Variants in ADAR observed in about 807,000 individuals in gnomAD.
ADAR encodes adenosine deaminase RNA specific, also known as double-stranded RNA-specific adenosine deaminase.
ADAR carries 41 observed loss-of-function variants against 113.2 expected under a neutral mutation model. The observed-to-expected ratio is 0.36, with a 90% CI of 0.28 to 0.47. The LOEUF is 0.47. Among genes scored for constraint, ADAR ranks in the 20% least tolerant of loss-of-function variants. The probability of loss-of-function intolerance (pLI) is 1.00; values close to 1 mark genes in which losing one functional copy is unlikely to be tolerated. For synonymous variants in ADAR, 605 were observed against 572.6 expected (o/e 1.06, Z -0.81); for missense variants, 1,242 against 1,540.9 (o/e 0.81, Z 3.25).
chr1:154,587,647 G>A (rs1696854943), intron 11 of ADAR, among the ~76,000 whole-genome samples: 2 of 152,172 alleles, frequency 1.3e-5, no homozygotes, highest in African/African-American at 2.4e-5. Flanking sequence ...AAGGAGACAG[G>A]AGAGGATAGG....
Position 154,601,347 on chromosome 1 carries a change from A to C in ADAR, c.1295T>G (p.Leu432Arg), listed in dbSNP as rs1222970873. The change falls in exon 2 of 15, where the codon CTG becomes CGG. Residue 432 changes from leucine (L) to arginine (R), a missense_variant. By Grantham distance (102) the Leu-to-Arg change is moderately radical (BLOSUM62 -2). Coordinates refer to ENST00000368474, the MANE Select transcript of ADAR (RefSeq NM_001111.5). This position sits in a 1 kb window ranked among gnomAD's most constrained non-coding sequence, Gnocchi z 4.7. ...RQEARPEPAR[L>R]KPPVHYNGPS... is the part of the protein sequence containing the mutation. The stretch of plus-strand genomic sequence containing the variant: ...GCCATTGTAATGAACAGGTGGTTTC[A>C]GTCTTGCTGGTTCTGGTCTGGCCTC... 2.5e-6 allele frequency: 4 copies of C among 1,614,240 alleles called. No homozygotes were observed. In the East Asian group the frequency reaches 8.9e-5, roughly 36 times the overall value.
Position 154,590,055 on chromosome 1 carries a change from C to CTGCTCTCTCGAGGCTAAG in ADAR, c.2496+128_2497-127insCTTAGCCTCGAGAGAGCA, listed in dbSNP as rs1697026994. 8 of 1,479,808 alleles carry CTGCTCTCTCGAGGCTAAG rather than the reference C, an allele frequency of 5.4e-6. No homozygotes were observed. The East Asian group carries it at 1.6e-4, about 30-fold the overall frequency. The allele number at this position is 1,479,808 out of a possible 1,614,324, so 91.7% of individuals were successfully genotyped here. On this transcript the variant is annotated intron_variant, in intron 7 of 14. Coordinates refer to ENST00000368474, the MANE Select transcript of ADAR (RefSeq NM_001111.5). Reference sequence around the variant, plus strand: ...CTTTTCCTTCTTACATCTAGTGTCCCAGTTACTGCTCTCTCGAGGCTAAGA... The same window carrying CTGCTCTCTCGAGGCTAAG: ...CTTTTCCTTCTTACATCTAGTGTCCCTGCTCTCTCGAGGCTAAGAGTTACTGCTCTCTCGAGGCTAAGA...
intron 1 of ADAR, among the ~76,000 whole-genome samples, chr1:154,615,243 C>T (rs923126973): frequency 1.3e-5 from 2 of 152,134 alleles, no homozygotes; most frequent in South Asian, 2.1e-4. Context: ...CAGACAGCCA[C>T]GGGAAACTAC....
At chr1:154,627,152 G>A (rs1698963122) in intron 1 of ADAR, among the ~76,000 whole-genome samples, 1 of 152,204 alleles carries the variant, frequency 6.6e-6, no homozygotes, top group Admixed American at 6.5e-5. Context: ...TGGAAGGCAA[G>A]TTTCCCAAAC....
upstream of ADAR, among the ~76,000 whole-genome samples, chr1:154,612,386 G>A (rs567913297): frequency 1.1e-4 from 14 of 132,328 alleles, no homozygotes; most frequent in Non-Finnish European, 1.7e-4. Context: ...GGAGTGCAGT[G>A]GTGCAATCTT....
At chr1:154,610,735 G>C (rs1698455748), upstream of ADAR, among the ~76,000 whole-genome samples, 1 of 148,198 alleles carries the variant, frequency 6.7e-6, no homozygotes, top group Non-Finnish European at 1.5e-5. Context: ...GCTTGAAGCA[G>C]GGAGTCGGAG....
chr1:154,623,155 T>C (rs1169108260), intron 1 of ADAR, among the ~76,000 whole-genome samples: 1 of 151,756 alleles, frequency 6.6e-6, no homozygotes, highest in Non-Finnish European at 1.5e-5. Flanking sequence ...TACAAGGGGG[T>C]TGTGCTCAGG....
At chr1:154,585,075 G>A in intron 14 of ADAR, 32 bp from the exon 15 acceptor site, 1 of 1,612,310 alleles carries the variant, frequency 6.2e-7, no homozygotes, top group South Asian at 1.1e-5. Context: ...TTATTCACCT[G>A]GGACCTGTAA....
chr1:154,589,417 G>A lies in ADAR; in HGVS notation c.2714C>T (p.Thr905Ile). Residue 905 changes from threonine to isoleucine, a missense_variant, in exon 9 of 15, where the codon ACT becomes ATT. Physicochemically the swap from Thr to Ile is moderately conservative, Grantham distance 89. Transcript: ENST00000368474. ...TATTTCTGCATGGCAGTCATTGACA[G>A]TTTCTCCTTTTAGGCTGAGAGAATC... ...KGDSLSLKGE[T>I]VNDCHAEIIS... 1.2e-6 allele frequency: 2 copies of A among 1,614,190 alleles called. No individual in the cohort carries two copies. Among genetic ancestry groups the A allele is most frequent in the South Asian group, 1.1e-5 (1 of 91,082 alleles).
rs1698326389 is a variant in ADAR at position 154,608,140 on chromosome 1, G to A, written c.-134C>T. On this transcript the variant is annotated 5_prime_UTR_variant, in exon 1 of 15. Coordinates refer to ENST00000368474, the MANE Select transcript of ADAR (RefSeq NM_001111.5). ...GGAAGTGGCCCCGGGGCGTCGGCAC[G>A]GGAAACTCCGCGGGTCTGCGCGCCG... 1.7e-6 allele frequency: 2 copies of A among 1,169,942 alleles called. No individual in the cohort carries two copies. Among genetic ancestry groups the A allele is most frequent in the Non-Finnish European group, 2.3e-6 (2 of 872,902 alleles). 72.5% of individuals were successfully genotyped at this position (1,169,942 alleles called of 1,614,324 possible). A position where few individuals can be genotyped will look rare whatever the true frequency, so the allele number is the denominator to read the frequency against.
chr1:154,601,552 G>A lies in ADAR; in HGVS notation c.1090C>T (p.Gln364Ter). ...ACACTGTTCGTATTTCTCTTGATTT[G>A]CATCCTCTCTCGCTTCTTGTCTGTC... ...HLTDKKRERM[Q>*]IKRNTNSVPE... Residue 364 changes from glutamine (Q) to a stop codon, truncating the protein, a stop_gained, in exon 2 of 15, where the codon CAA (glutamine) becomes TAA (stop). Transcript: ENST00000368474. LOFTEE classifies it high-confidence loss of function. The surrounding 1 kb of genome is among the most constrained non-coding windows in gnomAD (Gnocchi z 4.7). The A allele has an allele frequency of 6.2e-7, 1 of 1,612,684 alleles. No homozygotes were observed. Among genetic ancestry groups the A allele is most frequent in the Non-Finnish European group, 8.5e-7 (1 of 1,180,038 alleles).
chr1:154,602,272 C>T lies in ADAR; in HGVS notation c.370G>A (p.Asp124Asn). The change falls in exon 2 of 15, where the codon GAT becomes AAT. Residue 124 changes from aspartate (D) to asparagine (N), a missense_variant. Coordinates refer to ENST00000368474, the MANE Select transcript of ADAR (RefSeq NM_001111.5). Reference protein sequence around the residue: ...RGRSLPQRGVDCLSSHFQELS... With the variant: ...RGRSLPQRGVNCLSSHFQELS... ...TCCTGGAAATGTGAGGAAAGGCAAT[C>T]AACACCTCTCTGTGGCAGACTCCTG... The T allele has an allele frequency of 6.2e-7, 1 of 1,614,190 alleles. No homozygotes were observed. The highest frequency in any genetic ancestry group is 8.5e-7 in the Non-Finnish European group (1 of 1,180,040).
intron 6 of ADAR, 92 bp downstream of exon 6, chr1:154,596,713 T>C (rs999731835): frequency 2.8e-5 from 42 of 1,482,022 alleles, no homozygotes; most frequent in Non-Finnish European, 3.5e-5. Context: ...GCCCCTTCTG[T>C]CCTACACAGC....
chr1:154,615,451 C>A (rs1216766115), intron 1 of ADAR, among the ~76,000 whole-genome samples: 1 of 152,170 alleles, frequency 6.6e-6, no homozygotes, highest in African/African-American at 2.4e-5. Context: ...TCTCTGTCAC[C>A]CAGGCCAGAG....
chr1:154,590,573 TCAC>T (rs1697077304), intron 6 of ADAR, among the ~76,000 whole-genome samples, 164 bp from the exon 7 acceptor site: 1 of 152,246 alleles, frequency 6.6e-6, no homozygotes, highest in South Asian at 2.1e-4. Flanking sequence ...CATTCATGAA[TCAC>T]CACATGATTT....
rs1056466857 is a variant in ADAR at position 154,597,704 on chromosome 1, C to A, written c.1934+124G>T. ...GCAGCAACCAGGACCTCAGAGCCCT[C>A]CTTTCCCCATTTTGAAACAGGAGAA... On this transcript the variant is annotated intron_variant, in intron 4 of 14. Coordinates refer to ENST00000368474, the MANE Select transcript of ADAR (RefSeq NM_001111.5). The A allele has an allele frequency of 3.7e-6, 5 of 1,340,190 alleles. No individual in the cohort carries two copies. The Admixed American group carries it at 9.0e-5, about 24-fold the overall frequency. The allele number at this position is 1,340,190 out of a possible 1,614,324, so 83.0% of individuals were successfully genotyped here. A position where few individuals can be genotyped will look rare whatever the true frequency, so the allele number is the denominator to read the frequency against.
chr1:154,589,058 G>C (rs1696952000), intron 9 of ADAR, among the ~76,000 whole-genome samples: 1 of 152,198 alleles, frequency 6.6e-6, no homozygotes, highest in Non-Finnish European at 1.5e-5. Flanking sequence ...ATGGAAAGCT[G>C]CCTCATCCTC....
At chr1:154,621,316 G>GA (rs1259177590) in intron 1 of ADAR, among the ~76,000 whole-genome samples, 1 of 151,306 alleles carries the variant, frequency 6.6e-6, no homozygotes, top group Non-Finnish European at 1.5e-5. Context: ...ATAGAATAAG[G>GA]AAAAAAACCT....
At chr1:154,590,017 T>C (rs1465432577) in intron 7 of ADAR, 89 bp from the exon 8 acceptor site, 1 of 1,552,652 alleles carries the variant, frequency 6.4e-7, no homozygotes, top group Non-Finnish European at 8.8e-7. Context: ...GCTCTACTTG[T>C]CGTGTGAGTC....
Sources: gnomAD v4.1 joint callset for allele counts (sites outside exome capture counted in the v4.1 genomes callset) on GRCh38, gnomAD v4.1.1 for gene constraint, Gnocchi (gnomAD v3.1) non-coding constraint, MANE v1.5 for transcripts, NCBI Gene and HGNC (gene_info 2026-07-23, HGNC 2026-07-21) for gene names.